The following OTULINL variants were observed in gnomAD, a reference collection of about 807,000 sequenced individuals.
OTULINL encodes the protein OTU deubiquitinase with linear linkage specificity like.
Under a neutral mutation model 43.9 loss-of-function variants are expected in OTULINL, and 42 were observed. The ratio of observed to expected loss-of-function variants is 0.96; its 90% CI spans 0.75 to 1.24. OTULINL has a LOEUF of 1.24. Among genes scored for constraint, OTULINL ranks in the 50% most tolerant of loss-of-function variants. The probability of loss-of-function intolerance (pLI) is 0.00; values close to 1 mark genes in which losing one functional copy is unlikely to be tolerated. For synonymous variants in OTULINL, 172 were observed against 153.6 expected (o/e 1.12, Z -0.88); for missense variants, 411 against 426.4 (o/e 0.96, Z 0.32).
chr5:14,581,966 T>TGGGGCCGGGC lies in OTULINL; in HGVS notation c.64+14_64+23dup, dbSNP rs1759007564. The TGGGGCCGGGC allele has an allele frequency of 1.0e-6, 1 of 985,082 alleles. No individual in the cohort carries two copies. The highest frequency in any genetic ancestry group is 1.4e-6 in the Non-Finnish European group (1 of 739,392). The allele number at this position is 985,082 out of a possible 1,614,324, so 61.0% of individuals were successfully genotyped here. On this transcript the variant is annotated intron_variant, in intron 1 of 7. Coordinates refer to ENST00000274217, the MANE Select transcript of OTULINL (RefSeq NM_019018.3). ...CTGGCGCTCCCGCCGCAGGTGAGCC[T>TGGGGCCGGGC]GGGGCCGGGCGGGGCGGGGCGGGGG...
intron 1 of OTULINL, among the ~76,000 whole-genome samples, chr5:14,597,903 C>T (rs77869194): frequency 0.012 from 1,827 of 151,934 alleles, 32 homozygotes; most frequent in African/African-American, 0.042. Context: ...TTTTTTCTGA[C>T]GGGTTGATCA....
rs529166294 is a variant in OTULINL, at chr5:14,616,092, T to C, written c.*5778T>C. ...ATAAAAATATAGCACCAAGATTAGA[T>C]TGTTATAAAAGTTTCTAAACACTTT... On this transcript the variant is annotated 3_prime_UTR_variant, in exon 8 of 8. Transcript: ENST00000274217. 1.4e-4 allele frequency among the ~76,000 whole-genome samples: 21 copies of C among 152,352 alleles called. No homozygotes were observed. Among genetic ancestry groups the C allele is most frequent in the Admixed American group, 1.1e-3 (17 of 15,304 alleles).
intron 1 of OTULINL, among the ~76,000 whole-genome samples, chr5:14,582,220 C>A (rs532678241): frequency 6.6e-6 from 1 of 151,984 alleles, no homozygotes; most frequent in Non-Finnish European, 1.5e-5. Flanking sequence ...GCTTAGGTCG[C>A]CTGCCCGGGC....
At chr5:14,598,771 A>G (rs946215573) in intron 1 of OTULINL, among the ~76,000 whole-genome samples, 10 of 152,228 alleles carry the variant, frequency 6.6e-5, no homozygotes, top group African/African-American at 2.4e-4. Context: ...ATTATGCATC[A>G]TTAAAAAGAA....
chr5:14,606,655 C>CA lies in OTULINL; in HGVS notation c.499-674dup, dbSNP rs945176148. ...AATCTCTCAGCTGGTGAGTGACAGC[C>CA]AGGTGTGAGCCACAGAGTGCATCAT... On this transcript the variant is annotated intron_variant, in intron 5 of 7. Transcript: ENST00000274217. 5.3e-4 allele frequency among the ~76,000 whole-genome samples: 80 copies of CA among 152,256 alleles called. 1 individual carries two copies. Among genetic ancestry groups the CA allele is most frequent in the African/African-American group, 1.9e-3 (77 of 41,526 alleles).
rs1759659001 is a variant in OTULINL, at chr5:14,615,493, T to C, written c.*5179T>C. 6.6e-6 allele frequency among the ~76,000 whole-genome samples: 1 copy of C among 152,190 alleles called. No individual in the cohort carries two copies. Among genetic ancestry groups the C allele is most frequent in the South Asian group, 2.1e-4 (1 of 4,832 alleles). On this transcript the variant is annotated 3_prime_UTR_variant, in exon 8 of 8. Transcript: ENST00000274217. Reference sequence around the variant, plus strand: ...GACCAGAAAAGCTGCTTGGGTGTGGTGGAAGTTTCAGTGTAATGTGATTCC... The same window carrying C: ...GACCAGAAAAGCTGCTTGGGTGTGGCGGAAGTTTCAGTGTAATGTGATTCC...
intron 1 of OTULINL, among the ~76,000 whole-genome samples, chr5:14,598,056 CAA>C (rs1364673326): frequency 6.6e-6 from 1 of 152,168 alleles, no homozygotes; most frequent in Non-Finnish European, 1.5e-5. Flanking sequence ...GCCCTGTGCT[CAA>C]GAGAGATGGC....
Position 14,581,804 on chromosome 5 carries a change from C to T in OTULINL, c.-91C>T, listed in dbSNP as rs889938734. 6.4e-6 allele frequency: 7 copies of T among 1,097,128 alleles called. No individual in the cohort carries two copies. In the African/African-American group the frequency reaches 1.2e-4, roughly 18 times the overall value. The allele number at this position is 1,097,128 out of a possible 1,614,324, so 68.0% of individuals were successfully genotyped here. On this transcript the variant is annotated 5_prime_UTR_variant, in exon 1 of 8. Transcript: ENST00000274217. ...CCCTCCCCAGCCCGCCTCAGGGAAGCGAGCCCGGGCGCCGGCGGGCGGCCG... is the reference window on the plus strand; with the variant it reads ...CCCTCCCCAGCCCGCCTCAGGGAAGTGAGCCCGGGCGCCGGCGGGCGGCCG...
intron 4 of OTULINL, 122 bp downstream of exon 4, chr5:14,601,564 A>G: frequency 1.1e-6 from 1 of 892,722 alleles, no homozygotes; most frequent in Admixed American, 2.7e-5. Context: ...GAGTCAAGTA[A>G]CAACTGTGGC....
chr5:14,581,875 C>T lies in OTULINL; in HGVS notation c.-20C>T. On this transcript the variant is annotated 5_prime_UTR_variant, in exon 1 of 8. Coordinates refer to ENST00000274217, the MANE Select transcript of OTULINL (RefSeq NM_019018.3). ...CAGACCACGGGCCGAGGCCCAGCGC[C>T]CGTCCGCAGCGCGGCCGGCATGGCG... 7.1e-7 allele frequency: 1 copy of T among 1,406,642 alleles called. No homozygotes were observed. The highest frequency in any genetic ancestry group is 9.3e-7 in the Non-Finnish European group (1 of 1,080,494). 87.1% of individuals were successfully genotyped at this position (1,406,642 alleles called of 1,614,324 possible).
At chr5:14,605,328 A>G (rs1474060168) in intron 5 of OTULINL, among the ~76,000 whole-genome samples, 4 of 142,600 alleles carry the variant, frequency 2.8e-5, no homozygotes, top group African/African-American at 1.0e-4. Context: ...CCCAGACTGT[A>G]CACAGCAGAG....
Position 14,601,257 on chromosome 5 carries a change from A to G in OTULINL, c.256+13A>G. On this transcript the variant is annotated intron_variant, in intron 3 of 7. Coordinates refer to ENST00000274217, the MANE Select transcript of OTULINL (RefSeq NM_019018.3). ...AGAAAATTCAAAAGTAAATATTTTCATTCATTTATTTCTTTATTTTTAAGG... is the reference window on the plus strand; with the variant it reads ...AGAAAATTCAAAAGTAAATATTTTCGTTCATTTATTTCTTTATTTTTAAGG... 1.9e-6 allele frequency: 3 copies of G among 1,610,548 alleles called. No individual in the cohort carries two copies. The highest frequency in any genetic ancestry group is 2.5e-6 in the Non-Finnish European group (3 of 1,177,720).
intron 1 of OTULINL, among the ~76,000 whole-genome samples, chr5:14,591,661 G>C (rs1251191138): frequency 6.6e-6 from 1 of 152,194 alleles, no homozygotes; most frequent in African/African-American, 2.4e-5. Flanking sequence ...CCCTTCAGAA[G>C]ATGGGGAAAC....
At position 14,600,729 on chromosome 5, in the gene OTULINL, T is replaced by G. The variant is rs191167608; in HGVS notation, c.65-236T>G. The stretch of plus-strand genomic sequence containing the variant: ...CCATACTCTTTATTCTTCTTAATTT[T>G]GTGGAACAAAGATGGTCTTGTATAT... On this transcript the variant is annotated intron_variant, in intron 1 of 7. Transcript: ENST00000274217. Among the ~76,000 whole-genome samples, 33 of 152,310 alleles carry G rather than the reference T, an allele frequency of 2.2e-4. No individual in the cohort carries two copies. In the East Asian group the frequency reaches 6.4e-3, roughly 29 times the overall value.
intron 1 of OTULINL, among the ~76,000 whole-genome samples, chr5:14,583,594 A>C (rs1359074487): frequency 3.9e-5 from 6 of 152,168 alleles, no homozygotes; most frequent in Non-Finnish European, 8.8e-5. Context: ...CAGCGCTGCG[A>C]GCCCAGGGAG....
At chr5:14,602,383 A>G in intron 5 of OTULINL, 51 bp downstream of exon 5, 1 of 1,537,942 alleles carries the variant, frequency 6.5e-7, no homozygotes, top group Middle Eastern at 1.9e-4. Flanking sequence ...CAATAACTGC[A>G]ACTCAGACTC....
Position 14,608,855 on chromosome 5 carries a change from C to A in OTULINL, c.735C>A (p.Phe245Leu). 6.2e-7 allele frequency: 1 copy of A among 1,614,016 alleles called. No individual in the cohort carries two copies. Among genetic ancestry groups the A allele is most frequent in the South Asian group, 1.1e-5 (1 of 91,058 alleles). ...LEYKLYEALK[F>L]IMLYQVTEVY... ...ATAAACTTTATGAAGCTTTAAAGTT[C>A]ATCATGCTGTATCAAGTCACTGAAG... Residue 245 changes from phenylalanine to leucine, a missense_variant, in exon 7 of 8, where the codon TTC becomes TTA. By Grantham distance (22) the Phe-to-Leu change is conservative (BLOSUM62 0). Transcript: ENST00000274217.
At position 14,602,242 on chromosome 5, in the gene OTULINL, T is replaced by G. The variant is rs770831747; in HGVS notation, c.408T>G (p.Asp136Glu). The change falls in exon 5 of 8, where the codon GAT (aspartate) becomes GAG (glutamate). Residue 136 changes from aspartate to glutamate, a missense_variant. Coordinates refer to ENST00000274217, the MANE Select transcript of OTULINL (RefSeq NM_019018.3). Reference protein sequence around the residue: ...HIKCVRQVRRDNYDALRSVLF... With the variant: ...HIKCVRQVRRENYDALRSVLF... ...AATGTGTTCGACAAGTAAGGAGAGA[T>G]AACTATGATGCTCTCAGATCAGTGT... 22 of 1,613,432 alleles carry G rather than the reference T, an allele frequency of 1.4e-5. No homozygotes were observed. Among genetic ancestry groups the G allele is most frequent in the African/African-American group, 4.0e-5 (3 of 74,922 alleles).
At chr5:14,596,970 A>G (rs1052249548) in intron 1 of OTULINL, among the ~76,000 whole-genome samples, 24 of 152,156 alleles carry the variant, frequency 1.6e-4, no homozygotes, top group Admixed American at 5.2e-4. Context: ...TTTGTGATTA[A>G]GTTTCCAACA....
Sources: gnomAD v4.1 joint callset for allele counts (sites outside exome capture counted in the v4.1 genomes callset) on GRCh38, gnomAD v4.1.1 for gene constraint, MANE v1.5 for transcripts, NCBI Gene and HGNC (gene_info 2026-07-23, HGNC 2026-07-21) for gene names.